The following TGIF1 variants were observed in gnomAD, a reference collection of about 807,000 sequenced individuals.
The protein encoded by TGIF1 is homeobox protein TGIF1.
A neutral mutation model predicts 19.3 loss-of-function variants in TGIF1; 4 were observed. The ratio of observed to expected loss-of-function variants is 0.21; its 90% CI spans 0.10 to 0.47. The LOEUF is 0.47. Ranked by LOEUF, TGIF1 falls within the 20% of genes least tolerant of loss-of-function variation. TGIF1 has a pLI of 0.98. For missense variants in TGIF1, 275 were observed against 341.4 expected, an observed-to-expected ratio of 0.81 and a Z score of 1.53; for synonymous variants, 122 against 129.3, an observed-to-expected ratio of 0.94 and a Z score of 0.38.
At position 3,442,408 on chromosome 18, in the gene TGIF1, AT is replaced by A. The variant is rs574565079; in HGVS notation, c.-44-13937del. Reference sequence around the variant, plus strand: ...TATAAATATAGTACTTAGTCCAATGATTTTTTTTTAAACAAATGGGGACACA... The same window carrying A: ...TATAAATATAGTACTTAGTCCAATGATTTTTTTTAAACAAATGGGGACACA... On this transcript the variant is annotated intron_variant, in intron 2 of 3. Transcript: ENST00000401449. Among the ~76,000 whole-genome samples the A allele has an allele frequency of 8.8e-3, 1,343 of 151,870 alleles. 21 individuals are homozygous for A. The highest frequency in any genetic ancestry group is 0.03 in the African/African-American group (1,262 of 41,472).
rs756742227 is a variant in TGIF1 at position 3,457,968 on chromosome 18, A to T, written c.*28A>T. 1.9e-6 allele frequency: 3 copies of T among 1,590,636 alleles called. No individual in the cohort carries two copies. The highest frequency in any genetic ancestry group is 2.6e-6 in the Non-Finnish European group (3 of 1,171,782). ...CATTTTCAAGCAAAACAGTTCTCAG[A>T]AATGTCATGATTGCCGGGGTGAAGG... On this transcript the variant is annotated 3_prime_UTR_variant, in exon 3 of 3. Coordinates refer to ENST00000343820, the MANE Select transcript of TGIF1 (RefSeq NM_003244.4). This position sits in a 1 kb window ranked among gnomAD's most constrained non-coding sequence, Gnocchi z 4.9.
chr18:3,419,972 C>T (rs2082380794), intron 2 of TGIF1, among the ~76,000 whole-genome samples: 1 of 151,400 alleles, frequency 6.6e-6, no homozygotes, highest in African/African-American at 2.4e-5. Context: ...TGCCATTGCA[C>T]TCCAACCTGG....
chr18:3,435,116 T>TA (rs2082597868), intron 2 of TGIF1, among the ~76,000 whole-genome samples: 1 of 152,142 alleles, frequency 6.6e-6, no homozygotes, highest in South Asian at 2.1e-4. Flanking sequence ...TTTAAAAACT[T>TA]AAAGTACCAA....
upstream of TGIF1, chr18:3,448,430 T>A: frequency 2.0e-6 from 2 of 993,706 alleles, no homozygotes; most frequent in South Asian, 4.4e-5. Flanking sequence ...GCGCAGCAGC[T>A]GATTCATCTG....
intron 2 of TGIF1, among the ~76,000 whole-genome samples, chr18:3,426,494 A>G (rs2082471425): frequency 6.6e-6 from 1 of 152,004 alleles, no homozygotes; most frequent in African/African-American, 2.4e-5. Flanking sequence ...TATTCAGTCA[A>G]CCCATAGACT....
Position 3,457,041 on chromosome 18 carries a change from G to A in TGIF1, c.244-324G>A. 1.8e-6 allele frequency: 1 copy of A among 554,264 alleles called. No individual in the cohort carries two copies. The highest frequency in any genetic ancestry group is 2.2e-5 in the South Asian group (1 of 45,398). 34.3% of individuals were successfully genotyped at this position (554,264 alleles called of 1,614,324 possible). On this transcript the variant is annotated intron_variant, in intron 2 of 2. Transcript: ENST00000343820. The surrounding 1 kb of genome is among the most constrained non-coding windows in gnomAD (Gnocchi z 4.9). Reference sequence around the variant, plus strand: ...GGGGCAGTAGGTGATAGGTTAAAATGGGGAGAGTTAAAAAGTAAACCTCTC... The same window carrying A: ...GGGGCAGTAGGTGATAGGTTAAAATAGGGAGAGTTAAAAAGTAAACCTCTC...
At position 3,450,245 on chromosome 18, in the gene TGIF1, G is replaced by C; in HGVS notation, c.-245G>C. 1 of 1,426,678 alleles carries C rather than the reference G, an allele frequency of 7.0e-7. No homozygotes were observed. Among genetic ancestry groups the C allele is most frequent in the African/African-American group, 1.4e-5 (1 of 69,448 alleles). The allele number at this position is 1,426,678 out of a possible 1,614,324, so 88.4% of individuals were successfully genotyped here. On this transcript the variant is annotated 5_prime_UTR_variant, in exon 1 of 3. Coordinates refer to ENST00000343820, the MANE Select transcript of TGIF1 (RefSeq NM_003244.4). Reference sequence around the variant, plus strand: ...CGGAGAGGGGAGGGGAGAGAGTTGGGCGAGGGAGAGCCCCCGGCCGGCTGC... The same window carrying C: ...CGGAGAGGGGAGGGGAGAGAGTTGGCCGAGGGAGAGCCCCCGGCCGGCTGC...
chr18:3,447,684 A>G, upstream of TGIF1: 1 of 1,604,180 alleles, frequency 6.2e-7, no homozygotes, highest in Non-Finnish European at 8.5e-7. Flanking sequence ...TACATCACAG[A>G]ATTGTGCCAG....
Position 3,457,440 on chromosome 18 carries a change from C to A in TGIF1, c.319C>A (p.Gln107Lys). The A allele has an allele frequency of 1.2e-6, 2 of 1,614,220 alleles. No individual in the cohort carries two copies. Among genetic ancestry groups the A allele is most frequent in the Non-Finnish European group, 1.7e-6 (2 of 1,180,036 alleles). The change falls in exon 3 of 3, where the codon CAG becomes AAG. Residue 107 changes from glutamine to lysine, a missense_variant. Gln to Lys is a moderately conservative substitution (Grantham distance 53). Transcript: ENST00000343820. This position sits in a 1 kb window ranked among gnomAD's most constrained non-coding sequence, Gnocchi z 4.9. ...MLRKDGKDPN[Q>K]FTISRRGAKI... is the part of the protein sequence containing the mutation. ...GAGAAAGGATGGCAAAGATCCAAAT[C>A]AGTTCACAATTTCCCGCCGTGGGGC...
upstream of TGIF1, chr18:3,447,783 T>A: frequency 6.2e-7 from 1 of 1,614,248 alleles, no homozygotes; most frequent in Non-Finnish European, 8.5e-7. Flanking sequence ...CGATCAAGCC[T>A]GACTTCTAGC....
chr18:3,444,793 C>T (rs1021150344), intron 2 of TGIF1, among the ~76,000 whole-genome samples: 10 of 151,982 alleles, frequency 6.6e-5, no homozygotes, highest in African/African-American at 2.4e-4. Context: ...AATGAACATA[C>T]ATTTGAGTGG....
At chr18:3,453,884 AGTC>A in intron 1 of TGIF1, 1 of 974,156 alleles carries the variant, frequency 1.0e-6, no homozygotes, top group Non-Finnish European at 1.2e-6. Flanking sequence ...TTTGGAAACA[AGTC>A]TTAACCGGGA....
At chr18:3,443,071 C>A (rs2082694663) in intron 2 of TGIF1, among the ~76,000 whole-genome samples, 1 of 152,188 alleles carries the variant, frequency 6.6e-6, no homozygotes, top group African/African-American at 2.4e-5. Context: ...GATATGCTCA[C>A]AGAAGCCCCA....
intron 2 of TGIF1, among the ~76,000 whole-genome samples, chr18:3,420,113 C>T (rs1394085545): frequency 6.6e-6 from 1 of 152,134 alleles, no homozygotes; most frequent in Non-Finnish European, 1.5e-5. Flanking sequence ...CATGGTGGCT[C>T]AAGCCTATAA....
chr18:3,456,056 C>T lies in TGIF1; in HGVS notation c.17-298C>T. On this transcript the variant is annotated intron_variant, in intron 1 of 2. Transcript: ENST00000343820. This position sits in a 1 kb window ranked among gnomAD's most constrained non-coding sequence, Gnocchi z 4.2. ...TCATTTTGGGTGCAGTTTGTCTCCT[C>T]CAATGATTAGACGAAAGAGTTTTCT... 1 of 439,940 alleles carries T rather than the reference C, an allele frequency of 2.3e-6. No homozygotes were observed. The highest frequency in any genetic ancestry group is 2.1e-5 in the South Asian group (1 of 47,108). 27.3% of individuals were successfully genotyped at this position (439,940 alleles called of 1,614,324 possible). A position where few individuals can be genotyped will look rare whatever the true frequency, so the allele number is the denominator to read the frequency against.
upstream of TGIF1, among the ~76,000 whole-genome samples, chr18:3,445,892 G>A (rs918873320): frequency 6.6e-6 from 1 of 151,456 alleles, no homozygotes; most frequent in African/African-American, 2.4e-5. Context: ...CATAATCTGA[G>A]GTTAGTTTCT....
At position 3,455,881 on chromosome 18, in the gene TGIF1, T is replaced by C. The variant is rs451531; in HGVS notation, c.17-473T>C. On this transcript the variant is annotated intron_variant, in intron 1 of 2. Coordinates refer to ENST00000343820, the MANE Select transcript of TGIF1 (RefSeq NM_003244.4). ...GAGTGCTCCCTTTCATTTCAAACCTTCAGTAGAGGAAGGAGGAAGAGTAGC... is the reference window on the plus strand; with the variant it reads ...GAGTGCTCCCTTTCATTTCAAACCTCCAGTAGAGGAAGGAGGAAGAGTAGC... The C allele has an allele frequency of 2.7e-3, 499 of 188,294 alleles. 1 individual carries two copies. Among genetic ancestry groups the C allele is most frequent in the African/African-American group, 0.011 (459 of 42,718 alleles). The allele number at this position is 188,294 out of a possible 1,614,324, so 11.7% of individuals were successfully genotyped here.
At position 3,452,527 on chromosome 18, in the gene TGIF1, C is replaced by A. The variant is rs1282719926; in HGVS notation, c.16+2022C>A. 23 of 1,257,860 alleles carry A rather than the reference C, an allele frequency of 1.8e-5. No homozygotes were observed. The East Asian group carries it at 4.8e-4, about 26-fold the overall frequency. The allele number at this position is 1,257,860 out of a possible 1,614,324, so 77.9% of individuals were successfully genotyped here. A position where few individuals can be genotyped will look rare whatever the true frequency, so the allele number is the denominator to read the frequency against. On this transcript the variant is annotated intron_variant, in intron 1 of 2. Transcript: ENST00000343820. ...GGCAGGCCTCTGAGAAGGTGGGATT[C>A]ACGGCCTCATTTCTAGTTTCTTGGG... is the stretch of plus-strand genomic sequence containing the variant.
intron 2 of TGIF1, among the ~76,000 whole-genome samples, chr18:3,420,315 G>A (rs2082385368): frequency 6.6e-6 from 1 of 151,870 alleles, no homozygotes; most frequent in South Asian, 2.1e-4. Context: ...TCCAGGAGGT[G>A]GAGTTTGCAG....
Sources: allele counts gnomAD v4.1 joint callset (sites outside exome capture counted in the v4.1 genomes callset), GRCh38; gene constraint gnomAD v4.1.1; non-coding constraint Gnocchi (gnomAD v3.1); transcripts MANE v1.5; gene names NCBI Gene and HGNC (gene_info 2026-07-23, HGNC 2026-07-21).